The following MFSD8 variants were observed in gnomAD, a reference collection of about 807,000 sequenced individuals.
MFSD8 encodes major facilitator superfamily domain containing 8, also known as major facilitator superfamily domain-containing protein 8.
A neutral mutation model predicts 66.4 loss-of-function variants in MFSD8; 55 were observed. The ratio of observed to expected loss-of-function variants is 0.83; its 90% CI spans 0.67 to 1.04. MFSD8 has a LOEUF of 1.04. Among genes scored for constraint, MFSD8 ranks in the 50% least tolerant of loss-of-function variants. The pLI, the probability that MFSD8 is intolerant of heterozygous loss-of-function variation, is 0.00. For synonymous variants in MFSD8, 202 were observed against 212.8 expected (o/e 0.95, Z 0.44); for missense variants, 550 against 627.6 (o/e 0.88, Z 1.32).
rs745541140 is a variant in MFSD8, at chr4:127,920,653, T to C, written c.1534A>G (p.Arg512Gly). ...GTTTATTCCTGAATCCTCCCATATC[T>C]TACAGAAAGAGCAATGAGTCTTTTG... ...VYKRLIALSV[R>G]YGRIQE The change falls in exon 12 of 12, where the codon AGA becomes GGA. Residue 512 changes from arginine to glycine, a missense_variant. By Grantham distance (125) the Arg-to-Gly change is moderately radical (BLOSUM62 -2). Coordinates refer to ENST00000641686, the MANE Select transcript of MFSD8 (RefSeq NM_001371596.2). 6.2e-7 allele frequency: 1 copy of C among 1,614,000 alleles called. No homozygotes were observed. The highest frequency in any genetic ancestry group is 8.5e-7 in the Non-Finnish European group (1 of 1,180,010).
At chr4:127,963,499 T>C (rs963611538) in intron 1 of MFSD8, among the ~76,000 whole-genome samples, 1 of 152,116 alleles carries the variant, frequency 6.6e-6, no homozygotes, top group African/African-American at 2.4e-5. Context: ...CTTCTGATGC[T>C]CAGATGTGTT....
Position 127,943,952 on chromosome 4 carries a change from A to C in MFSD8, c.239T>G (p.Ile80Ser). ...TADTSFLGWVIASYSLGQMVA... is the reference protein window; with the variant it reads ...TADTSFLGWVSASYSLGQMVA... The stretch of plus-strand genomic sequence containing the variant: ...CATTTGGCCAAGACTATATGAAGCA[A>C]TAACCCAGCCCAAAAAACTTGTATC... The change falls in exon 4 of 12, where the codon ATT (isoleucine) becomes AGT (serine). Residue 80 changes from isoleucine (I) to serine (S), a missense_variant. Ile to Ser is a moderately radical substitution (Grantham distance 142). Transcript: ENST00000641686. The C allele has an allele frequency of 1.9e-6, 3 of 1,614,210 alleles. No individual in the cohort carries two copies. Among genetic ancestry groups the C allele is most frequent in the Non-Finnish European group, 2.5e-6 (3 of 1,180,038 alleles).
intron 9 of MFSD8, among the ~76,000 whole-genome samples, chr4:127,923,552 T>TTTATTTATTTATTATTATTA (rs1322039631): frequency 7.7e-6 from 1 of 130,578 alleles, no homozygotes; most frequent in African/African-American, 2.9e-5. Flanking sequence ...TTTATTTTTA[T>TTTATTTATTTATTATTATTA]TTATTATTAT....
intron 2 of MFSD8, 36 bp from the exon 3 acceptor site, chr4:127,949,883 A>T: frequency 1.9e-6 from 3 of 1,558,484 alleles, no homozygotes; most frequent in Non-Finnish European, 2.6e-6. Flanking sequence ...TATACTTATA[A>T]TAATTTAATC....
At chr4:127,935,131 C>T (rs1738848585) in intron 7 of MFSD8, among the ~76,000 whole-genome samples, 1 of 152,148 alleles carries the variant, frequency 6.6e-6, no homozygotes, top group South Asian at 2.1e-4. Context: ...TATGACCTTC[C>T]TTTGTAATCA....
chr4:127,959,654 G>A (rs1211122705), intron 1 of MFSD8, among the ~76,000 whole-genome samples: 3 of 152,188 alleles, frequency 2.0e-5, no homozygotes, highest in Non-Finnish European at 4.4e-5. Context: ...TGTACCTGCC[G>A]AAAGATTTCG....
At chr4:127,938,178 A>G (rs1739382905) in intron 7 of MFSD8, among the ~76,000 whole-genome samples, 1 of 152,222 alleles carries the variant, frequency 6.6e-6, no homozygotes, top group Non-Finnish European at 1.5e-5. Flanking sequence ...TATGGAAATC[A>G]TTGCAAATAT....
rs1736421059 is a variant in MFSD8 at position 127,922,074 on chromosome 4, T to A, written c.999-111A>T. 3.9e-6 allele frequency: 4 copies of A among 1,033,774 alleles called. No homozygotes were observed. In the South Asian group the frequency reaches 5.7e-5, roughly 15 times the overall value. The allele number at this position is 1,033,774 out of a possible 1,614,324, so 64.0% of individuals were successfully genotyped here. Reference sequence around the variant, plus strand: ...AATATCTTGTACTTTTAGTGATATATCCATTAAAAAGAATGCTAAATATAA... The same window carrying A: ...AATATCTTGTACTTTTAGTGATATAACCATTAAAAAGAATGCTAAATATAA... On this transcript the variant is annotated intron_variant, in intron 9 of 11. Transcript: ENST00000641686.
intron 8 of MFSD8, 35 bp downstream of exon 8, chr4:127,932,950 T>A (rs765385909): frequency 1.6e-5 from 24 of 1,543,560 alleles, no homozygotes; most frequent in Non-Finnish European, 2.1e-5. Flanking sequence ...GGTTAAAACA[T>A]AATCTGATTC....
chr4:127,920,656 C>T lies in MFSD8; in HGVS notation c.1531G>A (p.Val511Ile). The T allele has an allele frequency of 6.2e-7, 1 of 1,613,994 alleles. No homozygotes were observed. Among genetic ancestry groups the T allele is most frequent in the Non-Finnish European group, 8.5e-7 (1 of 1,180,002 alleles). The change falls in exon 12 of 12, where the codon GTA (valine) becomes ATA (isoleucine). Residue 511 changes from valine to isoleucine, a missense_variant. Transcript: ENST00000641686. ...VVYKRLIALS[V>I]RYGRIQE ...TATTCCTGAATCCTCCCATATCTTA[C>T]AGAAAGAGCAATGAGTCTTTTGTAA...
At chr4:127,956,818 CAAA>C (rs550327079) in intron 2 of MFSD8, among the ~76,000 whole-genome samples, 8 of 58,060 alleles carry the variant, frequency 1.4e-4, no homozygotes, top group Admixed American at 1.8e-4. Context: ...AACTCCGTCT[CAAA>C]AAAAAAAAAA....
At position 127,942,063 on chromosome 4, in the gene MFSD8, C is replaced by T; in HGVS notation, c.535G>A (p.Gly179Ser). Residue 179 changes from glycine to serine, a missense_variant, in exon 5 of 12, where the codon GGT becomes AGT. Coordinates refer to ENST00000641686, the MANE Select transcript of MFSD8 (RefSeq NM_001371596.2). ...CACCTACCTGGACCTAGAATAAAAC[C>T]TAATGCTTGACACATGCTTATGTTT... ...MANISMCQALGFILGPVFQTC... is the reference protein window; with the variant it reads ...MANISMCQALSFILGPVFQTC... 1 of 1,613,742 alleles carries T rather than the reference C, an allele frequency of 6.2e-7. No homozygotes were observed. Among genetic ancestry groups the T allele is most frequent in the East Asian group, 2.2e-5 (1 of 44,842 alleles).
chr4:127,957,471 T>C, intron 2 of MFSD8, 30 bp downstream of exon 2: 2 of 1,409,660 alleles, frequency 1.4e-6, no homozygotes, highest in Non-Finnish European at 2.0e-6. Context: ...CTGATCTGAA[T>C]TGTTAAAATT....
At chr4:127,922,293 GAAT>G (rs1056710235) in intron 9 of MFSD8, among the ~76,000 whole-genome samples, 14 of 152,234 alleles carry the variant, frequency 9.2e-5, no homozygotes, top group African/African-American at 3.1e-4. Flanking sequence ...TACCAAAACA[GAAT>G]AATAATGGCA....
At chr4:127,938,694 A>C in intron 7 of MFSD8, 89 bp downstream of exon 7, 1 of 1,072,020 alleles carries the variant, frequency 9.3e-7, no homozygotes, top group Admixed American at 1.8e-5. Context: ...TGTCCTCAGA[A>C]GCAAAATCGA....
rs111339115 is a variant in MFSD8 at position 127,927,777 on chromosome 4, C to A, written c.998+2906G>T. Among the ~76,000 whole-genome samples the A allele has an allele frequency of 9.2e-4, 140 of 152,222 alleles. 2 individuals carry two copies. Among genetic ancestry groups the A allele is most frequent in the African/African-American group, 3.1e-3 (128 of 41,534 alleles). ...TCACAGCTCACTGCAGCCTCAAACTCCTGGGTTCAAGCAATCCTCTCGCCT... is the reference window on the plus strand; with the variant it reads ...TCACAGCTCACTGCAGCCTCAAACTACTGGGTTCAAGCAATCCTCTCGCCT... On this transcript the variant is annotated intron_variant, in intron 9 of 11. Transcript: ENST00000641686.
Position 127,918,436 on chromosome 4 carries a change from T to C in MFSD8, c.*2194A>G, listed in dbSNP as rs1736039161. The C allele has an allele frequency of 6.6e-6, 1 of 152,238 alleles. No individual in the cohort carries two copies. The highest frequency in any genetic ancestry group is 1.5e-5 in the Non-Finnish European group (1 of 68,038). The allele number at this position is 152,238 out of a possible 1,614,324, so 9.4% of individuals were successfully genotyped here. On this transcript the variant is annotated 3_prime_UTR_variant, in exon 12 of 12. Coordinates refer to ENST00000641686, the MANE Select transcript of MFSD8 (RefSeq NM_001371596.2). ...AGTCATTTGTGTAAGGTTAAGTTTA[T>C]CTAAATTTTAATCAATATTATAAAC...
chr4:127,938,896 A>C, intron 6 of MFSD8, 58 bp from the exon 7 acceptor site: 4 of 1,333,008 alleles, frequency 3.0e-6, no homozygotes, highest in Non-Finnish European at 4.3e-6. Context: ...GAAGTTGTTT[A>C]AATTTATTAT....
At chr4:127,945,261 T>C (rs1740846211) in intron 3 of MFSD8, 1 of 152,182 alleles carries the variant, frequency 6.6e-6, no homozygotes, top group Non-Finnish European at 1.5e-5. Flanking sequence ...AACAATTTAA[T>C]AAGGAAAACT....
Sources: allele counts gnomAD v4.1 joint callset (sites outside exome capture counted in the v4.1 genomes callset), GRCh38; gene constraint gnomAD v4.1.1; transcripts MANE v1.5; gene names NCBI Gene and HGNC (gene_info 2026-07-23, HGNC 2026-07-21).